The following PLA2G4A variants were observed in gnomAD, a reference collection of about 807,000 sequenced individuals.
PLA2G4A encodes phospholipase A2 group IVA.
In PLA2G4A, 40 loss-of-function variants were observed where a neutral mutation model predicts 81.9. The ratio of observed to expected loss-of-function variants is 0.49; its 90% CI spans 0.38 to 0.64. PLA2G4A has a LOEUF of 0.64. Ranked by LOEUF, PLA2G4A falls within the 30% of genes least tolerant of loss-of-function variation. The pLI, the probability that PLA2G4A is intolerant of heterozygous loss-of-function variation, is 0.00. For synonymous variants in PLA2G4A, 302 were observed against 296.9 expected (o/e 1.02, Z -0.18); for missense variants, 715 against 905.1 (o/e 0.79, Z 2.69).
intron 3 of PLA2G4A, 103 bp from the exon 4 acceptor site, chr1:186,892,908 C>T (rs750845875): frequency 2.7e-4 from 225 of 829,048 alleles, no homozygotes; most frequent in Non-Finnish European, 4.1e-4. Context: ...AAATACATCA[C>T]TACAGATTCA....
chr1:186,883,825 C>G (rs1348980473), intron 3 of PLA2G4A, among the ~76,000 whole-genome samples: 1 of 151,914 alleles, frequency 6.6e-6, no homozygotes. Flanking sequence ...GAGAATGAAC[C>G]GATTAGGGTA....
intron 17 of PLA2G4A, among the ~76,000 whole-genome samples, chr1:186,981,461 C>T (rs1223907005): frequency 6.6e-6 from 1 of 151,990 alleles, no homozygotes; most frequent in African/African-American, 2.4e-5. Flanking sequence ...AGACTGAATC[C>T]CAGAACAACT....
intron 10 of PLA2G4A, among the ~76,000 whole-genome samples, chr1:186,946,204 TGAA>T (rs1656340851): frequency 6.6e-6 from 1 of 152,108 alleles, no homozygotes; most frequent in Non-Finnish European, 1.5e-5. Flanking sequence ...GAAGTGAAGG[TGAA>T]GAAAAGATAA....
At chr1:186,886,673 G>T (rs1397949326) in intron 3 of PLA2G4A, among the ~76,000 whole-genome samples, 2 of 152,114 alleles carry the variant, frequency 1.3e-5, no homozygotes, top group Non-Finnish European at 2.9e-5. Flanking sequence ...TAAACAGATT[G>T]CCAACTAACA....
intron 2 of PLA2G4A, among the ~76,000 whole-genome samples, chr1:186,864,379 T>C (rs1652933880): frequency 6.6e-6 from 1 of 152,146 alleles, no homozygotes. Context: ...ACCTCCATAC[T>C]GTTTTACACA....
intron 10 of PLA2G4A, among the ~76,000 whole-genome samples, chr1:186,942,299 C>T (rs1656181779): frequency 6.6e-6 from 1 of 152,126 alleles, no homozygotes; most frequent in African/African-American, 2.4e-5. Flanking sequence ...ATTGTTTGAT[C>T]TATAACACTT....
In PLA2G4A at chr1:186,832,803, T is replaced by C. The variant is rs574437822; in HGVS notation, c.-70+3768T>C. Among the ~76,000 whole-genome samples the C allele has an allele frequency of 1.4e-4, 21 of 152,302 alleles. No individual in the cohort carries two copies. In the South Asian group the frequency reaches 3.9e-3, roughly 29 times the overall value. On this transcript the variant is annotated intron_variant, in intron 1 of 17. Transcript: ENST00000367466. ...GCACTTTTGGGGTCCTCAGTAATTT[T>C]GAAGAATATTAAGAGTCTTAACAAT...
rs528944079 is a variant in PLA2G4A at position 186,897,130 on chromosome 1, C to T, written c.378+2919C>T. ...TTTGGTGAAGGGTAAACAAATTCTT[C>T]AAGGCAAAATAGTATTAGCAAAAAC... is the stretch of plus-strand genomic sequence containing the variant. On this transcript the variant is annotated intron_variant, in intron 5 of 17. Coordinates refer to ENST00000367466, the MANE Select transcript of PLA2G4A (RefSeq NM_024420.3). 3.9e-5 allele frequency among the ~76,000 whole-genome samples: 6 copies of T among 152,310 alleles called. No individual in the cohort carries two copies. The South Asian group carries it at 8.3e-4, about 21-fold the overall frequency.
intron 3 of PLA2G4A, among the ~76,000 whole-genome samples, chr1:186,877,705 CAAAAAAAAAAAA>C (rs58954006): frequency 5.8e-5 from 5 of 86,916 alleles, no homozygotes; most frequent in African/African-American, 1.8e-4. Context: ...GGCTTACTCA[CAAAAAAAAAAAA>C]AAAAAAAAAA....
intron 2 of PLA2G4A, among the ~76,000 whole-genome samples, chr1:186,857,371 A>C: frequency 8.0e-6 from 1 of 125,328 alleles, no homozygotes; most frequent in Admixed American, 1.0e-4. Context: ...TTATATTCAT[A>C]TGTATTATAT....
chr1:186,866,677 T>C (rs867900528), intron 2 of PLA2G4A, among the ~76,000 whole-genome samples: 5 of 152,212 alleles, frequency 3.3e-5, no homozygotes, highest in Middle Eastern at 3.4e-3. Flanking sequence ...TTGCTCATAG[T>C]TTTTATGATA....
chr1:186,932,419 C>T (rs981076574), intron 7 of PLA2G4A, among the ~76,000 whole-genome samples: 9 of 151,708 alleles, frequency 5.9e-5, no homozygotes, highest in Non-Finnish European at 1.3e-4. Context: ...CTTCAGCCTC[C>T]AAAGTAGCTC....
At chr1:186,907,525 A>G (rs1654784153) in intron 6 of PLA2G4A, among the ~76,000 whole-genome samples, 1 of 152,194 alleles carries the variant, frequency 6.6e-6, no homozygotes, top group Admixed American at 6.5e-5. Context: ...GGAATCATGT[A>G]CTTATTTTCA....
intron 3 of PLA2G4A, among the ~76,000 whole-genome samples, chr1:186,877,269 A>T (rs1653537248): frequency 6.6e-6 from 1 of 152,028 alleles, no homozygotes; most frequent in African/African-American, 2.4e-5. Context: ...AGATATTGAG[A>T]TATAGAACGA....
intron 6 of PLA2G4A, among the ~76,000 whole-genome samples, chr1:186,909,389 G>A (rs1437428046): frequency 6.6e-6 from 1 of 151,072 alleles, no homozygotes; most frequent in East Asian, 2.0e-4. Flanking sequence ...GGCTGGGCGT[G>A]GTGGCTCATG....
chr1:186,904,836 C>G (rs1654675807), intron 5 of PLA2G4A, among the ~76,000 whole-genome samples: 4 of 147,180 alleles, frequency 2.7e-5, no homozygotes, highest in African/African-American at 1.0e-4. Flanking sequence ...GCTGTCAGAA[C>G]AAACAGGCAG....
chr1:186,832,436 G>T (rs1017215979), intron 1 of PLA2G4A, among the ~76,000 whole-genome samples: 1 of 151,930 alleles, frequency 6.6e-6, no homozygotes, highest in Admixed American at 6.6e-5. Context: ...AATATTTAGC[G>T]AAATCTCATG....
At chr1:186,876,106 A>T (rs865862264) in intron 3 of PLA2G4A, among the ~76,000 whole-genome samples, 1 of 152,100 alleles carries the variant, frequency 6.6e-6, no homozygotes, top group Non-Finnish European at 1.5e-5. Context: ...TTTAGTGGAG[A>T]TGTGTTGTCT....
chr1:186,839,984 T>TTTTG (rs1184106379), intron 1 of PLA2G4A, among the ~76,000 whole-genome samples: 6 of 132,958 alleles, frequency 4.5e-5, no homozygotes. Flanking sequence ...TTTTTTTTTT[T>TTTTG]TTTTTTTTTG....
Sources: allele counts gnomAD v4.1 joint callset (sites outside exome capture counted in the v4.1 genomes callset), GRCh38; gene constraint gnomAD v4.1.1; transcripts MANE v1.5; gene names NCBI Gene and HGNC (gene_info 2026-07-23, HGNC 2026-07-21).